Variants in INSYN2B observed in about 807,000 individuals in gnomAD.
INSYN2B encodes protein INSYN2B.
INSYN2B carries 16 observed loss-of-function variants against 41.2 expected under a neutral mutation model. That is an observed-to-expected ratio of 0.39 (90% CI 0.26 to 0.59). INSYN2B has a LOEUF of 0.59. INSYN2B is among the 20% of genes least tolerant of loss of function. INSYN2B has a pLI of 0.57. For synonymous variants in INSYN2B, 245 were observed against 244.4 expected (o/e 1.00, Z -0.02); for missense variants, 608 against 646.4 (o/e 0.94, Z 0.64).
chr5:169,975,853 TC>T (rs1334369477), intron 1 of INSYN2B, among the ~76,000 whole-genome samples: 5 of 152,194 alleles, frequency 3.3e-5, no homozygotes, highest in African/African-American at 7.2e-5. Flanking sequence ...CTCAGCTGTA[TC>T]CCCAGCATCT....
chr5:169,951,936 G>A (rs1159198784), intron 1 of INSYN2B, among the ~76,000 whole-genome samples: 1 of 152,162 alleles, frequency 6.6e-6, no homozygotes, highest in East Asian at 1.9e-4. Context: ...TGACTCCTAG[G>A]CTCTATGTTA....
intron 1 of INSYN2B, among the ~76,000 whole-genome samples, chr5:169,916,423 C>G (rs896354248): frequency 2.6e-5 from 4 of 152,202 alleles, no homozygotes; most frequent in Admixed American, 6.5e-5. Context: ...GCTGAAGAAA[C>G]CTTGCCATGG....
chr5:169,900,878 C>A (rs939012752), intron 1 of INSYN2B, among the ~76,000 whole-genome samples: 3 of 152,024 alleles, frequency 2.0e-5, no homozygotes, highest in African/African-American at 7.2e-5. Flanking sequence ...TAAAACCCAG[C>A]AAATCATCGA....
At chr5:169,970,044 T>A (rs1245944084) in intron 1 of INSYN2B, among the ~76,000 whole-genome samples, 1 of 152,262 alleles carries the variant, frequency 6.6e-6, no homozygotes, top group Non-Finnish European at 1.5e-5. Flanking sequence ...GATCTCTGGC[T>A]ACAGTGATGT....
Position 169,863,658 on chromosome 5 carries a change from C to T in INSYN2B, c.*615G>A, listed in dbSNP as rs1771347544. On this transcript the variant is annotated 3_prime_UTR_variant, in exon 4 of 4. Coordinates refer to ENST00000377365, the MANE Select transcript of INSYN2B (RefSeq NM_001129891.3). ...TGCCACAGGCAGAAAGGTGCATGCA[C>T]CATGAGATGACAGAGCCTTAATTTG... Among the ~76,000 whole-genome samples, 1 of 152,208 alleles carries T rather than the reference C, an allele frequency of 6.6e-6. No homozygotes were observed. Among genetic ancestry groups the T allele is most frequent in the South Asian group, 2.1e-4 (1 of 4,836 alleles).
chr5:169,959,112 G>T (rs1256573827), intron 1 of INSYN2B, among the ~76,000 whole-genome samples: 1 of 152,158 alleles, frequency 6.6e-6, no homozygotes, highest in Non-Finnish European at 1.5e-5. Flanking sequence ...GCACAAACTG[G>T]CTGGGCATGG....
intron 1 of INSYN2B, among the ~76,000 whole-genome samples, chr5:169,941,354 T>C (rs1426003816): frequency 6.6e-6 from 1 of 152,182 alleles, no homozygotes; most frequent in African/African-American, 2.4e-5. Flanking sequence ...ATTACAGGCC[T>C]GTGCCCCCAG....
chr5:169,926,338 G>A lies in INSYN2B; in HGVS notation c.-918-41522C>T. ...ATAGGATGGCACTGTTCTTACTTTT[G>A]ATGAATGTCTGAAAAATGAACTTCT... On this transcript the variant is annotated intron_variant, in intron 1 of 3. Coordinates refer to ENST00000377365, the MANE Select transcript of INSYN2B (RefSeq NM_001129891.3). Among the ~76,000 whole-genome samples, 2 of 152,172 alleles carry A rather than the reference G, an allele frequency of 1.3e-5. 1 individual carries two copies. The highest frequency in any genetic ancestry group is 4.1e-4 in the South Asian group (2 of 4,820).
intron 3 of INSYN2B, 150 bp from the exon 4 acceptor site, chr5:169,864,609 A>C: frequency 1.6e-6 from 1 of 633,774 alleles, no homozygotes; most frequent in Admixed American, 3.2e-5. Flanking sequence ...GACCTTGGGA[A>C]AGTGATGCCA....
At chr5:169,925,908 G>A (rs1775424988) in intron 1 of INSYN2B, among the ~76,000 whole-genome samples, 1 of 152,184 alleles carries the variant, frequency 6.6e-6, no homozygotes. Context: ...TTTAGGTCTT[G>A]TGTTTCCCGC....
chr5:169,966,297 CG>C (rs1777299263), intron 1 of INSYN2B, among the ~76,000 whole-genome samples: 1 of 151,548 alleles, frequency 6.6e-6, no homozygotes. Context: ...TTTTGGGGGG[CG>C]GGGGTTGAGG....
At chr5:169,901,655 A>G (rs1054184846) in intron 1 of INSYN2B, among the ~76,000 whole-genome samples, 17 of 152,192 alleles carry the variant, frequency 1.1e-4, no homozygotes, top group African/African-American at 4.1e-4. Flanking sequence ...AACACTGAGT[A>G]TTACATTAGT....
chr5:169,909,719 A>G (rs1167578356), intron 1 of INSYN2B, among the ~76,000 whole-genome samples: 1 of 152,248 alleles, frequency 6.6e-6, no homozygotes, highest in Non-Finnish European at 1.5e-5. Flanking sequence ...AACAAACAGA[A>G]TTTTGGTTCT....
intron 1 of INSYN2B, among the ~76,000 whole-genome samples, chr5:169,919,266 G>A (rs1427106376): frequency 2.0e-5 from 3 of 152,198 alleles, no homozygotes; most frequent in South Asian, 4.1e-4. Flanking sequence ...TGGGGCAGAG[G>A]TGGGGCCCAA....
rs1191872307 is a variant in INSYN2B, at chr5:169,864,240, G to A, written c.*33C>T. 1 of 1,530,712 alleles carries A rather than the reference G, an allele frequency of 6.5e-7. No individual in the cohort carries two copies. Among genetic ancestry groups the A allele is most frequent in the East Asian group, 2.4e-5 (1 of 40,826 alleles). The allele number at this position is 1,530,712 out of a possible 1,614,324, so 94.8% of individuals were successfully genotyped here. ...ATTTCCCATCTCAGGGAAGTGCGTG[G>A]AGTTGGGGGGCTGGGGGATGGTCCC... On this transcript the variant is annotated 3_prime_UTR_variant, in exon 4 of 4. Coordinates refer to ENST00000377365, the MANE Select transcript of INSYN2B (RefSeq NM_001129891.3).
chr5:169,897,298 C>A (rs1405058588), intron 1 of INSYN2B, among the ~76,000 whole-genome samples: 1 of 152,052 alleles, frequency 6.6e-6, no homozygotes, highest in African/African-American at 2.4e-5. Flanking sequence ...AATTCTCGTG[C>A]CTCAGCCTCC....
At chr5:169,950,642 C>T (rs1032248960) in intron 1 of INSYN2B, among the ~76,000 whole-genome samples, 5 of 152,234 alleles carry the variant, frequency 3.3e-5, no homozygotes, top group Non-Finnish European at 7.3e-5. Flanking sequence ...CTCAGGTGTA[C>T]TCTTTTCCCC....
chr5:169,935,209 G>A lies in INSYN2B; in HGVS notation c.-919+45068C>T, dbSNP rs41362046. 2.9e-3 allele frequency among the ~76,000 whole-genome samples: 446 copies of A among 152,178 alleles called. 16 individuals are homozygous for A. The East Asian group carries it at 0.074, about 25-fold the overall frequency. ...GTCTGCAGAGCAGCATGCCATTGCC[G>A]TTTCTGAGTAAATTTGTACACTGTT... On this transcript the variant is annotated intron_variant, in intron 1 of 3. Transcript: ENST00000377365.
At chr5:169,891,388 AG>A (rs1345128781) in intron 1 of INSYN2B, among the ~76,000 whole-genome samples, 2 of 152,220 alleles carry the variant, frequency 1.3e-5, no homozygotes, top group Admixed American at 6.5e-5. Flanking sequence ...TTATAGTTAG[AG>A]GCTTCAAGGA....
Sources: allele counts gnomAD v4.1 joint callset (sites outside exome capture counted in the v4.1 genomes callset), GRCh38; gene constraint gnomAD v4.1.1; transcripts MANE v1.5; gene names NCBI Gene and HGNC (gene_info 2026-07-23, HGNC 2026-07-21).